LRCH2: variants seen among roughly 807,000 people sequenced by gnomAD.
LRCH2 encodes the protein leucine rich repeats and calponin homology domain containing 2.
In LRCH2, 38 loss-of-function variants were observed where a neutral mutation model predicts 68.9. The observed-to-expected ratio is 0.55, with a 90% CI of 0.43 to 0.72. LRCH2 has a LOEUF of 0.72. LRCH2 is among the 30% of genes least tolerant of loss of function. LRCH2 has a pLI of 0.00. For missense variants in LRCH2, 528 were observed against 572.9 expected (o/e 0.92, Z 0.80); for synonymous variants, 191 against 208.1 (o/e 0.92, Z 0.71).
At position 115,111,267 on chromosome X, in the gene LRCH2, A is replaced by G. The variant is rs2072041017; in HGVS notation, c.*1949T>C. The G allele has an allele frequency of 9.0e-6, 1 of 111,087 alleles. No homozygotes were observed. The highest frequency in any genetic ancestry group is 3.3e-5 in the African/African-American group (1 of 30,576). The allele number at this position is 111,087 out of a possible 1,213,427, so 9.2% of individuals were successfully genotyped here. A position where few individuals can be genotyped will look rare whatever the true frequency, so the allele number is the denominator to read the frequency against. ...TATTTTCTTTTTAAAGGAATAATTAACTGAAAAGTAACTGAAATGTTATAA... is the reference window on the plus strand; with the variant it reads ...TATTTTCTTTTTAAAGGAATAATTAGCTGAAAAGTAACTGAAATGTTATAA... On this transcript the variant is annotated 3_prime_UTR_variant, in exon 21 of 21. Transcript: ENST00000317135.
At chrX:115,216,129 C>A (rs2073040629) in intron 1 of LRCH2, among the ~76,000 whole-genome samples, 1 of 111,559 alleles carries the variant, frequency 9.0e-6, no homozygotes, top group Non-Finnish European at 1.9e-5. Flanking sequence ...CATGGAATAT[C>A]CTGTAGCCTT....
chrX:115,228,671 A>T (rs2073134707), intron 1 of LRCH2, among the ~76,000 whole-genome samples: 1 of 112,035 alleles, frequency 8.9e-6, no homozygotes, highest in African/African-American at 3.2e-5. Context: ...TTCAGAATTT[A>T]TATCACAAAT....
chrX:115,223,635 G>C (rs1410099686), intron 1 of LRCH2, among the ~76,000 whole-genome samples: 1 of 110,426 alleles, frequency 9.1e-6, no homozygotes, highest in African/African-American at 3.3e-5. Flanking sequence ...CCTGACTCAC[G>C]CTGGGCACGG....
chrX:115,149,422 C>A (rs1569513386), intron 14 of LRCH2, among the ~76,000 whole-genome samples: 2 of 111,536 alleles, frequency 1.8e-5, no homozygotes, highest in African/African-American at 6.5e-5. Context: ...TGCCCTCAAG[C>A]ATTTTCAGAA....
At chrX:115,196,550 A>G (rs1404732119) in intron 1 of LRCH2, among the ~76,000 whole-genome samples, 1 of 111,285 alleles carries the variant, frequency 9.0e-6, no homozygotes, top group Non-Finnish European at 1.9e-5. Flanking sequence ...CCACAACCCA[A>G]TCTACCACCA....
At chrX:115,149,968 C>T (rs782621458) in intron 13 of LRCH2, 25 bp from the exon 14 acceptor site, 28 of 1,149,422 alleles carry the variant, frequency 2.4e-5, no homozygotes, top group Non-Finnish European at 2.9e-5. Context: ...TTTATTTTAA[C>T]TAAATAAAAG....
intron 1 of LRCH2, chrX:115,192,989 C>A: frequency 4.6e-6 from 1 of 219,003 alleles, no homozygotes; most frequent in Non-Finnish European, 8.7e-6. Flanking sequence ...CATCTGCTCA[C>A]CTAAAATGGA....
At chrX:115,132,518 C>T (rs781981506) in intron 14 of LRCH2, among the ~76,000 whole-genome samples, 1 of 111,987 alleles carries the variant, frequency 8.9e-6, no homozygotes, top group Non-Finnish European at 1.9e-5. Context: ...ATATCTCAAC[C>T]ACAACCCTTG....
At chrX:115,174,037 T>G (rs190269743) in intron 5 of LRCH2, among the ~76,000 whole-genome samples, 1 of 112,124 alleles carries the variant, frequency 8.9e-6, no homozygotes, top group East Asian at 2.8e-4. Flanking sequence ...AACAGTAGGC[T>G]ATTAGCAGCT....
chrX:115,228,119 T>C (rs782590832), intron 1 of LRCH2, among the ~76,000 whole-genome samples: 97 of 112,316 alleles, frequency 8.6e-4, no homozygotes, highest in African/African-American at 3.1e-3. Context: ...ACATTACAGT[T>C]TGACCTTTAG....
At chrX:115,221,191 AAAAAAAAAAAAAAAAAAAAATAT>A (rs1272658529) in intron 1 of LRCH2, among the ~76,000 whole-genome samples, 13 of 67,791 alleles carry the variant, frequency 1.9e-4, no homozygotes, top group South Asian at 8.4e-4. Flanking sequence ...AAAAAAAAAA[AAAAAAAAAAAAAAAAAAAAATAT>A]ATATATATAT....
intron 1 of LRCH2, chrX:115,190,800 TGGG>T (rs2072796830): frequency 8.7e-7 from 1 of 1,152,997 alleles, no homozygotes; most frequent in East Asian, 3.3e-5. Flanking sequence ...ACGCCTACAG[TGGG>T]GGCCATGACA....
chrX:115,191,054 G>A lies in LRCH2; in HGVS notation c.350-2684C>T, dbSNP rs1464165329. 3.2e-5 allele frequency: 37 copies of A among 1,163,506 alleles called. No homozygotes were observed. The highest frequency in any genetic ancestry group is 3.8e-5 in the Non-Finnish European group (33 of 872,172). ...CACAGTGGGGGCCACAGCAGTTCCA[G>A]CAACAGTTACGGCCAGAGCCACCGC... On this transcript the variant is annotated intron_variant, in intron 1 of 20. Transcript: ENST00000317135.
intron 11 of LRCH2, 59 bp from the exon 12 acceptor site, chrX:115,156,726 A>AT: frequency 1.4e-6 from 1 of 728,918 alleles, no homozygotes; most frequent in Non-Finnish European, 1.9e-6. Flanking sequence ...ATCACATGAT[A>AT]TAAAAAAAAT....
At chrX:115,184,830 A>G (rs891622826) in intron 2 of LRCH2, among the ~76,000 whole-genome samples, 2 of 111,982 alleles carry the variant, frequency 1.8e-5, no homozygotes, top group Non-Finnish European at 3.8e-5. Context: ...AGAGATCCAT[A>G]GCATAGCAAA....
intron 11 of LRCH2, among the ~76,000 whole-genome samples, chrX:115,159,136 G>C (rs1333058486): frequency 2.8e-5 from 3 of 107,512 alleles, no homozygotes; most frequent in Non-Finnish European, 5.8e-5. Context: ...TTTTATTTTG[G>C]TAAGAACATT....
intron 1 of LRCH2, among the ~76,000 whole-genome samples, chrX:115,198,033 CTTT>C (rs55636329): frequency 1.6e-4 from 13 of 80,225 alleles, no homozygotes; most frequent in Non-Finnish European, 1.7e-4. Context: ...AAAGCTTTTT[CTTT>C]TTTTTTTTTT....
Position 115,125,630 on chromosome X carries a change from CAT to C in LRCH2, c.1791+1211_1791+1212del, listed in dbSNP as rs1391724959. Among the ~76,000 whole-genome samples, 4 of 71,655 alleles carry C rather than the reference CAT, an allele frequency of 5.6e-5. 1 individual carries two copies. In the South Asian group the frequency reaches 1.9e-3, roughly 35 times the overall value. The allele number at this position is 71,655 out of a possible 115,157, so 62.2% of individuals were successfully genotyped here. A position where few individuals can be genotyped will look rare whatever the true frequency, so the allele number is the denominator to read the frequency against. On this transcript the variant is annotated intron_variant, in intron 16 of 20. Coordinates refer to ENST00000317135, the MANE Select transcript of LRCH2 (RefSeq NM_020871.4). ...ACGTATATATATATGTATATATATACATATATATACATATATATATACACGTA... is the reference window on the plus strand; with the variant it reads ...ACGTATATATATATGTATATATATACATATATACATATATATATACACGTA...
At chrX:115,220,208 A>C (rs2073068950) in intron 1 of LRCH2, among the ~76,000 whole-genome samples, 1 of 112,128 alleles carries the variant, frequency 8.9e-6, no homozygotes, top group African/African-American at 3.2e-5. Context: ...ACAGTAACTT[A>C]AACATCTAAT....
Sources: gnomAD v4.1 joint callset for allele counts (sites outside exome capture counted in the v4.1 genomes callset) on GRCh38, gnomAD v4.1.1 for gene constraint, MANE v1.5 for transcripts, NCBI Gene and HGNC (gene_info 2026-07-23, HGNC 2026-07-21) for gene names.